NRG1: variants seen among roughly 807,000 people sequenced by gnomAD.
NRG1 encodes neuregulin 1, also known as pro-neuregulin-1, membrane-bound isoform.
NRG1 carries 18 observed loss-of-function variants against 63.8 expected under a neutral mutation model. The ratio of observed to expected loss-of-function variants is 0.28; its 90% CI spans 0.19 to 0.42. The LOEUF is 0.42. Ranked by LOEUF, NRG1 falls within the 10% of genes least tolerant of loss-of-function variation. The probability of loss-of-function intolerance (pLI) is 1.00; values close to 1 mark genes in which losing one functional copy is unlikely to be tolerated. For missense variants in NRG1, 762 were observed against 814.7 expected, an observed-to-expected ratio of 0.94 and a Z score of 0.79; for synonymous variants, 302 against 301.3, an observed-to-expected ratio of 1.00 and a Z score of -0.02.
chr8:32,081,363 T>C (rs1415977157), intron 1 of NRG1, among the ~76,000 whole-genome samples: 5 of 152,140 alleles, frequency 3.3e-5, no homozygotes, highest in Admixed American at 1.3e-4. Context: ...TCCATTCCTA[T>C]TGGCAGAGAC....
chr8:31,776,356 G>A (rs1819134664), intron 1 of NRG1, among the ~76,000 whole-genome samples: 1 of 152,186 alleles, frequency 6.6e-6, no homozygotes, highest in Non-Finnish European at 1.5e-5. Flanking sequence ...GTTGTCAAGG[G>A]CGCCAAGGAT....
chr8:32,512,574 T>G (rs117352673), intron 1 of NRG1, among the ~76,000 whole-genome samples: 2,750 of 152,326 alleles, frequency 0.018, 31 homozygotes, highest in Middle Eastern at 0.044. Flanking sequence ...ATAACAACCT[T>G]ATATGGTAAG....
At chr8:31,760,265 T>C (rs1586204023) in intron 1 of NRG1, among the ~76,000 whole-genome samples, 1 of 152,292 alleles carries the variant, frequency 6.6e-6, no homozygotes, top group Non-Finnish European at 1.5e-5. Context: ...GCTTTCTACA[T>C]ATGGCTAGCC....
intron 1 of NRG1, among the ~76,000 whole-genome samples, chr8:31,667,099 G>A (rs1035638154): frequency 6.6e-6 from 1 of 152,144 alleles, no homozygotes. Context: ...AAAGACGTTC[G>A]TCTCAATTCA....
chr8:31,986,781 CTCTT>C (rs752771501), intron 1 of NRG1, among the ~76,000 whole-genome samples: 5 of 152,088 alleles, frequency 3.3e-5, no homozygotes, highest in Non-Finnish European at 7.4e-5. Context: ...AATAGAATCT[CTCTT>C]TCTTGTATGC....
intron 1 of NRG1, among the ~76,000 whole-genome samples, chr8:32,145,143 C>T (rs1836731967): frequency 1.3e-5 from 2 of 152,226 alleles, no homozygotes; most frequent in African/African-American, 4.8e-5. Context: ...CATTCAACCA[C>T]AGCCTTTACC....
Position 32,040,942 on chromosome 8 carries a change from G to A in NRG1, c.37+401511G>A, listed in dbSNP as rs201538759. On this transcript the variant is annotated intron_variant, in intron 1 of 10. Coordinates refer to the NRG1 transcript ENST00000519301. The stretch of plus-strand genomic sequence containing the variant: ...ATGCAAAAAAAATTGATTAAAAACC[G>A]GAGCCTTAAAAATTGAATTCCCTTC... 5.0e-4 allele frequency among the ~76,000 whole-genome samples: 75 copies of A among 150,562 alleles called. No individual in the cohort carries two copies. In the East Asian group the frequency reaches 0.014, roughly 27 times the overall value.
intron 1 of NRG1, among the ~76,000 whole-genome samples, chr8:32,305,654 A>T (rs556393658): frequency 2.0e-5 from 3 of 152,306 alleles, no homozygotes; most frequent in Admixed American, 6.5e-5. Context: ...CATCATTTTA[A>T]CAAAAATAGA....
At chr8:32,355,482 C>A (rs1201193442) in intron 1 of NRG1, among the ~76,000 whole-genome samples, 1 of 151,952 alleles carries the variant, frequency 6.6e-6, no homozygotes, top group African/African-American at 2.4e-5. Context: ...TGGCAAATAG[C>A]AAAGGGGATA....
chr8:32,764,067 G>A (rs1384724333), exon 12 of NRG1: 2 of 1,614,052 alleles, frequency 1.2e-6, no homozygotes, highest in East Asian at 4.5e-5. Flanking sequence ...AACGACCCAA[G>A]AGTACGAGCC....
rs183111414 is a variant in NRG1, at chr8:32,002,772, G to T, written c.37+363341G>T. 6.7e-4 allele frequency among the ~76,000 whole-genome samples: 102 copies of T among 152,138 alleles called. 1 individual carries two copies. In the East Asian group the frequency reaches 0.019, roughly 28 times the overall value. On this transcript the variant is annotated intron_variant, in intron 1 of 10. Coordinates refer to the NRG1 transcript ENST00000519301. ...TGTGTGTATACTAACTTGTGCCTGC[G>T]CACCTATCTATAAATATTTCTATAT...
At chr8:32,301,916 A>C (rs1855612846) in intron 1 of NRG1, among the ~76,000 whole-genome samples, 1 of 152,114 alleles carries the variant, frequency 6.6e-6, no homozygotes, top group Non-Finnish European at 1.5e-5. Context: ...CAGAGGGGAA[A>C]AGTATAAGTA....
At chr8:32,159,694 C>T (rs1585733985) in intron 1 of NRG1, among the ~76,000 whole-genome samples, 1 of 151,982 alleles carries the variant, frequency 6.6e-6, no homozygotes, top group East Asian at 1.9e-4. Flanking sequence ...GAATACATTA[C>T]ATAATGTCCT....
intron 1 of NRG1, among the ~76,000 whole-genome samples, chr8:32,065,531 C>T (rs1395389562): frequency 2.0e-5 from 3 of 151,720 alleles, no homozygotes; most frequent in Non-Finnish European, 4.4e-5. Context: ...AAGGACATGG[C>T]TGCATAGTAT....
chr8:32,522,525 G>A (rs760903668), intron 1 of NRG1, among the ~76,000 whole-genome samples: 11 of 152,022 alleles, frequency 7.2e-5, no homozygotes, highest in Non-Finnish European at 1.0e-4. Context: ...GGATAACCAC[G>A]TATCCTAGTT....
intron 1 of NRG1, among the ~76,000 whole-genome samples, chr8:31,971,486 A>G (rs1421906481): frequency 6.6e-6 from 1 of 152,160 alleles, no homozygotes; most frequent in Non-Finnish European, 1.5e-5. Flanking sequence ...TTTCAGATTT[A>G]TAAAACGTAA....
At chr8:31,726,117 T>G (rs2131330280) in intron 1 of NRG1, among the ~76,000 whole-genome samples, 1 of 151,820 alleles carries the variant, frequency 6.6e-6, no homozygotes, top group Admixed American at 6.6e-5. Context: ...TTCCAGGGGG[T>G]TTTAGTGGAT....
At chr8:32,021,550 G>C (rs781082771) in intron 1 of NRG1, among the ~76,000 whole-genome samples, 1 of 152,026 alleles carries the variant, frequency 6.6e-6, no homozygotes, top group Non-Finnish European at 1.5e-5. Flanking sequence ...CTCCACACTG[G>C]GGATCAAATT....
rs377718067 is a variant in NRG1 at position 31,813,516 on chromosome 8, CTTTTTT to C, written c.37+174097_37+174102del. 9.2e-4 allele frequency among the ~76,000 whole-genome samples: 93 copies of C among 101,212 alleles called. 2 individuals are homozygous for C. Among genetic ancestry groups the C allele is most frequent in the African/African-American group, 3.0e-3 (81 of 27,348 alleles). The allele number at this position is 101,212 out of a possible 152,430, so 66.4% of individuals were successfully genotyped here. On this transcript the variant is annotated intron_variant, in intron 1 of 10. Coordinates refer to the NRG1 transcript ENST00000519301. Reference sequence around the variant, plus strand: ...ATTTTCTTTTCTTTTCTTTTCTTTTCTTTTTTTTTTTTTTTTTGTTTTTTGAGACAG... The same window carrying C: ...ATTTTCTTTTCTTTTCTTTTCTTTTCTTTTTTTTTTTGTTTTTTGAGACAG...
Sources: allele counts gnomAD v4.1 joint callset (sites outside exome capture counted in the v4.1 genomes callset), GRCh38; gene constraint gnomAD v4.1.1; transcripts MANE v1.5; gene names NCBI Gene and HGNC (gene_info 2026-07-23, HGNC 2026-07-21).